The following PTPN13 variants were observed in gnomAD, a reference collection of about 807,000 sequenced individuals.
The protein encoded by PTPN13 is tyrosine-protein phosphatase non-receptor type 13.
Under a neutral mutation model 284.0 loss-of-function variants are expected in PTPN13, and 191 were observed. The observed-to-expected ratio is 0.67, with a 90% confidence interval of 0.60 to 0.76. The LOEUF (loss-of-function observed/expected upper bound fraction) is 0.76, where lower values mean the gene tolerates loss of function less well. PTPN13 is among the 30% of genes least tolerant of loss of function. The pLI is 0.00. For missense variants in PTPN13, 2,797 were observed against 2,939.9 expected, an observed-to-expected ratio of 0.95 and a Z score of 1.12; for synonymous variants, 986 against 1,022.3, an observed-to-expected ratio of 0.96 and a Z score of 0.68.
intron 2 of PTPN13, among the ~76,000 whole-genome samples, chr4:86,635,575 A>G (rs914721474): frequency 3.3e-5 from 5 of 152,234 alleles, no homozygotes; most frequent in Non-Finnish European, 7.3e-5. Context: ...TATGTGCCCA[A>G]TATTACACCA....
chr4:86,797,086 C>T (rs569868599), intron 41 of PTPN13, among the ~76,000 whole-genome samples, 157 bp downstream of exon 41: 3 of 152,226 alleles, frequency 2.0e-5, no homozygotes, highest in African/African-American at 4.8e-5. Context: ...GGGCCAGGTG[C>T]GGTGGCTCAT....
intron 2 of PTPN13, among the ~76,000 whole-genome samples, chr4:86,658,488 G>A (rs1726109479): frequency 6.6e-6 from 1 of 152,126 alleles, no homozygotes; most frequent in Admixed American, 6.5e-5. Context: ...CCTGATGGGG[G>A]ATTATTGCTC....
At chr4:86,720,039 CT>C (rs1241378977) in intron 9 of PTPN13, among the ~76,000 whole-genome samples, 2 of 152,068 alleles carry the variant, frequency 1.3e-5, no homozygotes, top group Non-Finnish European at 2.9e-5. Flanking sequence ...TTAGAAGTGA[CT>C]TTTCTCTATG....
At chr4:86,753,440 G>A (rs1415357730) in intron 20 of PTPN13, among the ~76,000 whole-genome samples, 1 of 152,074 alleles carries the variant, frequency 6.6e-6, no homozygotes, top group African/African-American at 2.4e-5. Flanking sequence ...TCCAGATCAA[G>A]GGCATAGCAT....
At chr4:86,719,901 A>G (rs1169384158) in intron 9 of PTPN13, among the ~76,000 whole-genome samples, 1 of 152,066 alleles carries the variant, frequency 6.6e-6, no homozygotes, top group African/African-American at 2.4e-5. Flanking sequence ...CAAATATTTT[A>G]TCCCATTTTG....
chr4:86,801,150 A>G (rs1435960242), intron 42 of PTPN13, among the ~76,000 whole-genome samples: 1 of 152,228 alleles, frequency 6.6e-6, no homozygotes, highest in Non-Finnish European at 1.5e-5. Context: ...AGCAGGTACT[A>G]AATTAGACCC....
intron 3 of PTPN13, among the ~76,000 whole-genome samples, chr4:86,677,342 G>A (rs1322737444): frequency 6.8e-6 from 1 of 146,298 alleles, no homozygotes; most frequent in Non-Finnish European, 1.5e-5. Flanking sequence ...TTGAGACGGA[G>A]TCTAGCTCTG....
At chr4:86,642,232 C>G (rs1723878256) in intron 2 of PTPN13, among the ~76,000 whole-genome samples, 1 of 152,004 alleles carries the variant, frequency 6.6e-6, no homozygotes, top group Non-Finnish European at 1.5e-5. Flanking sequence ...TTTATTTTCA[C>G]ATCCTTTATG....
rs1735079932 is a variant in PTPN13 at position 86,732,706 on chromosome 4, A to G, written c.1798A>G (p.Met600Val). 5.0e-6 allele frequency: 8 copies of G among 1,613,652 alleles called. No individual in the cohort carries two copies. The highest frequency in any genetic ancestry group is 6.8e-6 in the Non-Finnish European group (8 of 1,179,698). ...TKTICKDVFDMVVAHIGLVEH... is the reference protein window; with the variant it reads ...TKTICKDVFDVVVAHIGLVEH... ...AACTATATGTAAAGATGTGTTTGAT[A>G]TGGTTGTGGCACATATTGGCTTAGT... The change falls in exon 12 of 48, where the codon ATG becomes GTG. Residue 600 changes from methionine to valine, a missense_variant. Transcript: ENST00000411767.
At chr4:86,789,886 G>A (rs1011121792) in intron 40 of PTPN13, among the ~76,000 whole-genome samples, 5 of 151,198 alleles carry the variant, frequency 3.3e-5, no homozygotes, top group Non-Finnish European at 5.9e-5. Context: ...ATTGTGAAGG[G>A]CAAAAGAACA....
intron 47 of PTPN13, among the ~76,000 whole-genome samples, 197 bp from the exon 48 acceptor site, chr4:86,814,259 C>T (rs1220924688): frequency 6.6e-6 from 1 of 151,826 alleles, no homozygotes; most frequent in Admixed American, 6.6e-5. Flanking sequence ...CCCGCCTCAG[C>T]CTCCTCAAGT....
intron 9 of PTPN13, 125 bp from the exon 10 acceptor site, chr4:86,722,087 T>C (rs1733732110): frequency 1.3e-6 from 1 of 771,636 alleles, no homozygotes; most frequent in East Asian, 2.7e-5. Flanking sequence ...GTAAAGATTC[T>C]TCTGAGATGG....
At chr4:86,696,836 G>T (rs1030574931) in intron 6 of PTPN13, among the ~76,000 whole-genome samples, 2 of 151,754 alleles carry the variant, frequency 1.3e-5, no homozygotes, top group Non-Finnish European at 2.9e-5. Context: ...TTTTTTAGTA[G>T]AGTTAAAGGT....
chr4:86,793,223 A>G (rs1303482519), intron 40 of PTPN13, among the ~76,000 whole-genome samples: 3 of 152,184 alleles, frequency 2.0e-5, no homozygotes, highest in African/African-American at 7.2e-5. Context: ...CTCTGATAAA[A>G]CAGACTTTAA....
intron 30 of PTPN13, among the ~76,000 whole-genome samples, 160 bp from the exon 31 acceptor site, chr4:86,771,011 T>C (rs1338301618): frequency 2.0e-5 from 3 of 152,232 alleles, no homozygotes; most frequent in African/African-American, 4.8e-5. Flanking sequence ...ATATTAACTG[T>C]TATTTTATAT....
intron 17 of PTPN13, among the ~76,000 whole-genome samples, chr4:86,749,028 C>T (rs1249193218): frequency 6.6e-6 from 1 of 152,090 alleles, no homozygotes; most frequent in Non-Finnish European, 1.5e-5. Context: ...TAACTTGGTG[C>T]CCACTTCCAC....
intron 40 of PTPN13, among the ~76,000 whole-genome samples, chr4:86,795,437 G>C (rs2149349692): frequency 6.6e-6 from 1 of 152,274 alleles, no homozygotes; most frequent in Admixed American, 6.5e-5. Flanking sequence ...TTACACTGTT[G>C]GTGGGAGTGT....
At chr4:86,714,540 G>A (rs1444873055) in intron 7 of PTPN13, among the ~76,000 whole-genome samples, 2 of 151,984 alleles carry the variant, frequency 1.3e-5, no homozygotes, top group Admixed American at 6.6e-5. Context: ...CTTCTGTGGG[G>A]GGGAAAATCT....
At chr4:86,606,888 A>G (rs749290355) in intron 1 of PTPN13, among the ~76,000 whole-genome samples, 6 of 151,914 alleles carry the variant, frequency 3.9e-5, no homozygotes, top group Admixed American at 1.3e-4. Context: ...TTGATTAATA[A>G]CTGTCCATAA....
Sources: gnomAD v4.1 joint callset for allele counts (sites outside exome capture counted in the v4.1 genomes callset) on GRCh38, gnomAD v4.1.1 for gene constraint, MANE v1.5 for transcripts, NCBI Gene and HGNC (gene_info 2026-07-23, HGNC 2026-07-21) for gene names.